Variants in SHROOM4 observed in about 807,000 individuals in gnomAD.
SHROOM4 encodes the protein protein Shroom4.
Under a neutral mutation model 80.3 loss-of-function variants are expected in SHROOM4, and 17 were observed. The ratio of observed to expected loss-of-function variants is 0.21; its 90% CI spans 0.14 to 0.32. SHROOM4 has a LOEUF of 0.32. Among genes scored for constraint, SHROOM4 ranks in the 10% least tolerant of loss-of-function variants. The pLI is 1.00. For synonymous variants in SHROOM4, 400 were observed against 437.5 expected (o/e 0.91, Z 1.07); for missense variants, 993 against 1,140.3 (o/e 0.87, Z 1.86).
intron 2 of SHROOM4, among the ~76,000 whole-genome samples, chrX:50,648,581 C>G (rs1363862182): frequency 2.7e-5 from 3 of 111,953 alleles, no homozygotes; most frequent in Non-Finnish European, 5.6e-5. Context: ...AAAGGAAATG[C>G]TAACAAAATG....
At chrX:50,675,418 G>C in intron 2 of SHROOM4, among the ~76,000 whole-genome samples, 1 of 111,232 alleles carries the variant, frequency 9.0e-6, no homozygotes, top group Non-Finnish European at 1.9e-5. Context: ...ATTTGATAAA[G>C]GTGAAGTGGG....
At chrX:50,765,273 A>G (rs1281228624) in intron 1 of SHROOM4, among the ~76,000 whole-genome samples, 1 of 112,286 alleles carries the variant, frequency 8.9e-6, no homozygotes, top group East Asian at 2.8e-4. Flanking sequence ...CAATGCCCAC[A>G]ACAAGAAAGA....
At chrX:50,628,063 C>T (rs1357335571) in intron 4 of SHROOM4, among the ~76,000 whole-genome samples, 1 of 112,173 alleles carries the variant, frequency 8.9e-6, no homozygotes, top group Non-Finnish European at 1.9e-5. Context: ...GCTCATTCCT[C>T]CTGCCTCTTC....
rs782292015 is a variant in SHROOM4 at position 50,814,066 on chromosome X, C to T, written c.-48G>A. The T allele has an allele frequency of 1.1e-6, 1 of 920,987 alleles. No homozygotes were observed. Among genetic ancestry groups the T allele is most frequent in the Admixed American group, 2.3e-5 (1 of 43,222 alleles). 75.9% of individuals were successfully genotyped at this position (920,987 alleles called of 1,213,427 possible). ...CCGGGCTCCTTTTCCGAGGGGGCTA[C>T]GTTGCCTCCGCCCCCAGCAGCTCCG... On this transcript the variant is annotated 5_prime_UTR_variant, in exon 1 of 9. Transcript: ENST00000376020.
intron 2 of SHROOM4, among the ~76,000 whole-genome samples, chrX:50,658,892 T>G (rs1557259715): frequency 9.0e-6 from 1 of 111,409 alleles, no homozygotes; most frequent in African/African-American, 3.3e-5. Context: ...ATGCACAGCA[T>G]TCAGGCAGGA....
Position 50,721,998 on chromosome X carries a change from G to A in SHROOM4, c.118-26061C>T, listed in dbSNP as rs556969153. Among the ~76,000 whole-genome samples, 4 of 110,429 alleles carry A rather than the reference G, an allele frequency of 3.6e-5. No homozygotes were observed. In the Admixed American group the frequency reaches 3.9e-4, roughly 11 times the overall value. On this transcript the variant is annotated intron_variant, in intron 1 of 8. Coordinates refer to ENST00000376020, the MANE Select transcript of SHROOM4 (RefSeq NM_020717.5). ...GTCAGGTAGGATCCAAGCAGAAAGGGCCATGATTAGCACATGTTTCACATT... is the reference window on the plus strand; with the variant it reads ...GTCAGGTAGGATCCAAGCAGAAAGGACCATGATTAGCACATGTTTCACATT...
At chrX:50,667,959 G>T (rs1434733881) in intron 2 of SHROOM4, among the ~76,000 whole-genome samples, 1 of 111,391 alleles carries the variant, frequency 9.0e-6, no homozygotes, top group Admixed American at 9.5e-5. Context: ...GATAATAACT[G>T]CTCTACTCCA....
intron 1 of SHROOM4, among the ~76,000 whole-genome samples, chrX:50,698,819 A>T (rs1933442940): frequency 9.0e-6 from 1 of 111,714 alleles, no homozygotes; most frequent in South Asian, 3.8e-4. Flanking sequence ...GGAAGGAAGG[A>T]AAAATGAATG....
intron 1 of SHROOM4, among the ~76,000 whole-genome samples, chrX:50,719,934 G>A (rs1244646113): frequency 5.4e-5 from 6 of 112,079 alleles, no homozygotes; most frequent in Admixed American, 4.7e-4. Flanking sequence ...AATAAATATT[G>A]CTCTGGTTCC....
intron 1 of SHROOM4, among the ~76,000 whole-genome samples, chrX:50,803,589 C>T (rs1936171208): frequency 1.8e-5 from 2 of 111,717 alleles, no homozygotes; most frequent in South Asian, 7.6e-4. Flanking sequence ...TTCCTTTTTT[C>T]ACAAAACACC....
At chrX:50,579,841 A>G in the SHROOM4 span, among the ~76,000 whole-genome samples, 5 of 111,581 alleles carry the variant, frequency 4.5e-5, no homozygotes, top group Non-Finnish European at 9.4e-5. Context: ...AAGCATAGAT[A>G]AAATTGGCTG....
In SHROOM4 at chrX:50,634,408, T is replaced by G. The variant is rs782681460; in HGVS notation, c.1665A>C (p.Glu555Asp). 4 of 1,211,462 alleles carry G rather than the reference T, an allele frequency of 3.3e-6. No homozygotes were observed. The Admixed American group carries it at 8.7e-5, about 26-fold the overall frequency. Residue 555 changes from glutamate (E) to aspartate (D), a missense_variant, in exon 4 of 9, where the codon GAA (glutamate) becomes GAC (aspartate). By Grantham distance (45) the Glu-to-Asp change is conservative. Coordinates refer to ENST00000376020, the MANE Select transcript of SHROOM4 (RefSeq NM_020717.5). ...KAASGTEAGE[E>D]GDSEPKECSR... The stretch of plus-strand genomic sequence containing the variant: ...TGCACTCCTTGGGCTCGCTGTCCCC[T>G]TCTTCACCTGCCTCTGTGCCACTAG...
intron 1 of SHROOM4, among the ~76,000 whole-genome samples, chrX:50,732,250 A>G (rs782818445): frequency 1.9e-4 from 21 of 111,529 alleles, no homozygotes; most frequent in African/African-American, 6.5e-4. Flanking sequence ...GGGCAACATC[A>G]AAGATTTAAG....
chrX:50,786,402 C>T (rs1935740740), intron 1 of SHROOM4, among the ~76,000 whole-genome samples: 1 of 111,996 alleles, frequency 8.9e-6, no homozygotes, highest in Non-Finnish European at 1.9e-5. Context: ...CTCCTATCTT[C>T]TCTCTGGTGA....
At chrX:50,756,916 T>G (rs1935050950) in intron 1 of SHROOM4, among the ~76,000 whole-genome samples, 1 of 112,129 alleles carries the variant, frequency 8.9e-6, no homozygotes, top group Non-Finnish European at 1.9e-5. Flanking sequence ...TTTATAGGTA[T>G]AGTCTCTCAG....
chrX:50,633,091 T>A, intron 4 of SHROOM4, 87 bp downstream of exon 4: 1 of 902,921 alleles, frequency 1.1e-6, no homozygotes, highest in Non-Finnish European at 1.6e-6. Flanking sequence ...CAAGGAATTA[T>A]AATTGTTATA....
intron 4 of SHROOM4, among the ~76,000 whole-genome samples, chrX:50,630,922 C>T (rs1158858523): frequency 2.7e-5 from 3 of 111,677 alleles, no homozygotes; most frequent in Non-Finnish European, 5.6e-5. Context: ...TACCAAAAAA[C>T]CTCCAGGCCC....
intron 2 of SHROOM4, among the ~76,000 whole-genome samples, chrX:50,674,448 A>T (rs142698343): frequency 2.6e-3 from 293 of 111,536 alleles, no homozygotes; most frequent in African/African-American, 8.8e-3. Context: ...TTTTTGACAA[A>T]GTTGCAAAAG....
At chrX:50,741,328 C>T (rs1557267192) in intron 1 of SHROOM4, among the ~76,000 whole-genome samples, 2 of 110,027 alleles carry the variant, frequency 1.8e-5, no homozygotes, top group Non-Finnish European at 3.8e-5. Flanking sequence ...TGTTGTCCAA[C>T]AAATAATACA....
Sources: gnomAD v4.1 joint callset for allele counts (sites outside exome capture counted in the v4.1 genomes callset) on GRCh38, gnomAD v4.1.1 for gene constraint, MANE v1.5 for transcripts, NCBI Gene and HGNC (gene_info 2026-07-23, HGNC 2026-07-21) for gene names.